Variants in CSMD1 observed in about 807,000 individuals in gnomAD.
CSMD1 encodes the protein CUB and Sushi multiple domains 1.
CSMD1 carries 213 observed loss-of-function variants against 417.5 expected under a neutral mutation model. That is an observed-to-expected ratio of 0.51 (90% CI 0.46 to 0.57). CSMD1 has a LOEUF of 0.57. Ranked by LOEUF, CSMD1 falls within the 20% of genes least tolerant of loss-of-function variation. The pLI is 0.00. For missense variants in CSMD1, 6,923 were observed against 4,529.7 expected (o/e 1.53, Z -15.17); for synonymous variants, 2,862 against 1,736.8 (o/e 1.65, Z -16.11).
chr8:4,049,375 A>G (rs1258027248), intron 3 of CSMD1, among the ~76,000 whole-genome samples: 2 of 151,736 alleles, frequency 1.3e-5, no homozygotes, highest in Non-Finnish European at 2.9e-5. Flanking sequence ...ACAATCAAAA[A>G]TCTCTGCAGA....
intron 26 of CSMD1, among the ~76,000 whole-genome samples, chr8:3,257,301 G>A (rs191149644): frequency 1.5e-3 from 221 of 152,312 alleles, no homozygotes; most frequent in East Asian, 3.3e-3. Flanking sequence ...TCCAGCCCGC[G>A]CTATAAGAGT....
At chr8:4,896,458 T>G (rs182115183) in intron 1 of CSMD1, among the ~76,000 whole-genome samples, 36 of 152,234 alleles carry the variant, frequency 2.4e-4, no homozygotes, top group Middle Eastern at 3.4e-3. Flanking sequence ...ACCAGGAAAA[T>G]GTTGAAACTC....
chr8:3,784,153 G>A (rs747671551), intron 5 of CSMD1, among the ~76,000 whole-genome samples: 1 of 152,086 alleles, frequency 6.6e-6, no homozygotes, highest in Admixed American at 6.5e-5. Context: ...TCTCTCTCAT[G>A]CATACATATA....
chr8:4,479,973 A>T (rs75900462), intron 2 of CSMD1, among the ~76,000 whole-genome samples: 13 of 144,858 alleles, frequency 9.0e-5, no homozygotes, highest in African/African-American at 2.0e-4. Context: ...CTCAAAAAAA[A>T]AAAAAAATAA....
At chr8:3,219,549 AT>A in intron 28 of CSMD1, 107 bp from the exon 29 acceptor site, 1 of 794,940 alleles carries the variant, frequency 1.3e-6, no homozygotes, top group Non-Finnish European at 1.9e-6. Flanking sequence ...TTGTATAATG[AT>A]TTTTCAGTTA....
intron 7 of CSMD1, among the ~76,000 whole-genome samples, chr8:3,628,901 G>T (rs137905016): frequency 1.3e-5 from 2 of 151,094 alleles, no homozygotes; most frequent in African/African-American, 4.9e-5. Flanking sequence ...AACGAAGACA[G>T]GCAGGAAAAA....
intron 10 of CSMD1, among the ~76,000 whole-genome samples, chr8:3,527,718 T>C (rs10113358): frequency 0.37 from 56,894 of 151,974 alleles, 10,891 homozygotes; most frequent in Middle Eastern, 0.52. Context: ...TTACCACTGG[T>C]GGGAGGGGTG....
Position 3,388,896 on chromosome 8 carries a change from TACACACACACACACACAC to T in CSMD1, c.2594-1232_2594-1215del, listed in dbSNP as rs6150441. Among the ~76,000 whole-genome samples the T allele has an allele frequency of 8.7e-3, 1,281 of 147,750 alleles. 7 individuals are homozygous for T. The highest frequency in any genetic ancestry group is 0.013 in the Non-Finnish European group (853 of 66,782). On this transcript the variant is annotated intron_variant, in intron 17 of 69. Coordinates refer to ENST00000635120, the MANE Select transcript of CSMD1 (RefSeq NM_033225.6). ...TCTACATACACACCACACACATGCA[TACACACACACACACACAC>T]ACACACACACACACACACACACACA...
chr8:4,027,591 C>T (rs913203967), intron 4 of CSMD1, among the ~76,000 whole-genome samples: 1 of 152,132 alleles, frequency 6.6e-6, no homozygotes, highest in Non-Finnish European at 1.5e-5. Context: ...GAGGCCTCCG[C>T]AGCCATGCAG....
chr8:4,757,580 A>G (rs1241337932), intron 1 of CSMD1, among the ~76,000 whole-genome samples: 1 of 152,218 alleles, frequency 6.6e-6, no homozygotes, highest in Non-Finnish European at 1.5e-5. Context: ...AGTCTGAGCA[A>G]TAGCCTACAG....
At chr8:3,312,952 T>G (rs1805464360) in intron 23 of CSMD1, among the ~76,000 whole-genome samples, 3 of 152,232 alleles carry the variant, frequency 2.0e-5, no homozygotes, top group Non-Finnish European at 4.4e-5. Context: ...GCTGTGTGTT[T>G]AAAGACTAGA....
chr8:4,608,412 C>G (rs1563330569), intron 2 of CSMD1, among the ~76,000 whole-genome samples: 1 of 152,182 alleles, frequency 6.6e-6, no homozygotes, highest in Non-Finnish European at 1.5e-5. Context: ...CTTTCTCAAT[C>G]TATCTTGAAA....
chr8:3,315,648 T>A (rs1805701253), intron 23 of CSMD1, among the ~76,000 whole-genome samples: 1 of 152,120 alleles, frequency 6.6e-6, no homozygotes, highest in Non-Finnish European at 1.5e-5. Context: ...TCCACATTTT[T>A]AAAAAATAGC....
At chr8:4,408,664 A>G (rs1480190139) in intron 3 of CSMD1, among the ~76,000 whole-genome samples, 1 of 152,218 alleles carries the variant, frequency 6.6e-6, no homozygotes, top group Non-Finnish European at 1.5e-5. Context: ...AATTAAATCA[A>G]TAGTTCATTT....
intron 2 of CSMD1, among the ~76,000 whole-genome samples, chr8:4,531,460 T>A (rs1184010226): frequency 1.3e-5 from 2 of 152,198 alleles, no homozygotes; most frequent in Non-Finnish European, 2.9e-5. Context: ...ACTGACAATA[T>A]CTATGTGGCT....
At chr8:4,920,842 GAAAGAAAAGAAAAGAAAAGA>G (rs1181413955) in intron 1 of CSMD1, among the ~76,000 whole-genome samples, 3,573 of 34,602 alleles carry the variant, frequency 0.1, 749 homozygotes, top group African/African-American at 0.13. Context: ...AAAAGAGAAC[GAAAGAAAAGAAAAGAAAAGA>G]AAAGAAAAGA....
At chr8:3,764,892 A>G (rs1036229516) in intron 5 of CSMD1, among the ~76,000 whole-genome samples, 2 of 151,668 alleles carry the variant, frequency 1.3e-5, no homozygotes, top group African/African-American at 4.8e-5. Flanking sequence ...GATTAAGGTG[A>G]CTGCCACCAC....
intron 21 of CSMD1, among the ~76,000 whole-genome samples, chr8:3,354,182 A>T (rs926385960): frequency 6.6e-6 from 1 of 152,364 alleles, no homozygotes; most frequent in Admixed American, 6.5e-5. Context: ...CAATCTGCCT[A>T]TTCAATACAG....
At chr8:4,951,529 G>C (rs1306138677) in intron 1 of CSMD1, among the ~76,000 whole-genome samples, 1 of 144,574 alleles carries the variant, frequency 6.9e-6, no homozygotes, top group South Asian at 2.2e-4. Flanking sequence ...AGGGGAGAAA[G>C]AGAAAAGAAA....
Sources: gnomAD v4.1 joint callset for allele counts (sites outside exome capture counted in the v4.1 genomes callset) on GRCh38, gnomAD v4.1.1 for gene constraint, MANE v1.5 for transcripts, NCBI Gene and HGNC (gene_info 2026-07-23, HGNC 2026-07-21) for gene names.